NRIP1: variants seen among roughly 807,000 people sequenced by gnomAD.
NRIP1 encodes nuclear receptor interacting protein 1, also known as nuclear receptor-interacting protein 1.
In NRIP1, 28 loss-of-function variants were observed where a neutral mutation model predicts 75.0. That is an observed-to-expected ratio of 0.37 (90% CI 0.28 to 0.51). NRIP1 has a LOEUF of 0.51. Among genes scored for constraint, NRIP1 ranks in the 20% least tolerant of loss-of-function variants. The probability of loss-of-function intolerance (pLI) is 0.92; values close to 1 mark genes in which losing one functional copy is unlikely to be tolerated. For missense variants in NRIP1, 1,435 were observed against 1,343.7 expected, an observed-to-expected ratio of 1.07 and a Z score of -1.06; for synonymous variants, 526 against 487.6, an observed-to-expected ratio of 1.08 and a Z score of -1.04.
At chr21:14,985,817 T>C (rs2087384061) in intron 3 of NRIP1, among the ~76,000 whole-genome samples, 1 of 152,002 alleles carries the variant, frequency 6.6e-6, no homozygotes, top group Admixed American at 6.6e-5. Context: ...TCAAATTACC[T>C]CCCCTAGATA....
Position 15,054,034 on chromosome 21 carries a change from A to G in NRIP1, c.-537-10460T>C, listed in dbSNP as rs575178946. ...ATTTTATTTTCTGTCTCTTACCAGC[A>G]GTTATTAATGTAGTTGAATATGACT... On this transcript the variant is annotated intron_variant, in intron 1 of 3. Coordinates refer to ENST00000318948, the MANE Select transcript of NRIP1 (RefSeq NM_003489.4). Among the ~76,000 whole-genome samples, 4 of 152,306 alleles carry G rather than the reference A, an allele frequency of 2.6e-5. No homozygotes were observed. In the South Asian group the frequency reaches 8.3e-4, roughly 32 times the overall value.
At chr21:15,018,753 G>A (rs1214060482) in intron 2 of NRIP1, among the ~76,000 whole-genome samples, 1 of 152,262 alleles carries the variant, frequency 6.6e-6, no homozygotes, top group East Asian at 1.9e-4. Context: ...TATTCTAGAT[G>A]GTAGGAAAAG....
intron 1 of NRIP1, among the ~76,000 whole-genome samples, chr21:15,047,338 G>T (rs1222839947): frequency 6.6e-6 from 1 of 152,102 alleles, no homozygotes; most frequent in Non-Finnish European, 1.5e-5. Context: ...TCAGGAGACA[G>T]AGACCATCCT....
intron 3 of NRIP1, among the ~76,000 whole-genome samples, chr21:14,989,866 T>C (rs2087520742): frequency 6.6e-6 from 1 of 152,050 alleles, no homozygotes; most frequent in Non-Finnish European, 1.5e-5. Context: ...GAACAATTCA[T>C]TTAGACTAGG....
At chr21:14,989,954 A>G (rs940495880) in intron 3 of NRIP1, among the ~76,000 whole-genome samples, 5 of 152,208 alleles carry the variant, frequency 3.3e-5, no homozygotes, top group Admixed American at 6.5e-5. Flanking sequence ...AATCATGAAA[A>G]AAAAAGAAAC....
chr21:15,033,666 C>A (rs2088765239), intron 2 of NRIP1, among the ~76,000 whole-genome samples: 1 of 152,186 alleles, frequency 6.6e-6, no homozygotes, highest in Admixed American at 6.5e-5. Context: ...CTAGTAAATA[C>A]CTGTTACAAT....
At chr21:14,999,307 A>C (rs945684719) in intron 3 of NRIP1, among the ~76,000 whole-genome samples, 1 of 151,994 alleles carries the variant, frequency 6.6e-6, no homozygotes, top group Non-Finnish European at 1.5e-5. Flanking sequence ...TTTCTTCTCA[A>C]ATTTTAATAC....
intron 2 of NRIP1, among the ~76,000 whole-genome samples, chr21:15,027,819 C>T (rs1267962830): frequency 6.6e-6 from 1 of 152,068 alleles, no homozygotes; most frequent in Admixed American, 6.6e-5. Flanking sequence ...GTCACACAGG[C>T]CAGCAATCAT....
chr21:15,062,663 A>G (rs1978403254), intron 1 of NRIP1, among the ~76,000 whole-genome samples: 1 of 152,230 alleles, frequency 6.6e-6, no homozygotes, highest in Non-Finnish European at 1.5e-5. Flanking sequence ...TTTGAAAGCT[A>G]GTACTTCTTA....
intron 3 of NRIP1, among the ~76,000 whole-genome samples, chr21:15,010,269 A>G (rs2088071343): frequency 6.6e-6 from 1 of 152,246 alleles, no homozygotes; most frequent in South Asian, 2.1e-4. Context: ...GGTTCACAAC[A>G]GTTAATTTCA....
intron 3 of NRIP1, among the ~76,000 whole-genome samples, chr21:14,980,203 A>C (rs2087193080): frequency 6.6e-6 from 1 of 152,216 alleles, no homozygotes; most frequent in East Asian, 1.9e-4. Flanking sequence ...TAAATATATT[A>C]GTGCAGGCTA....
intron 3 of NRIP1, among the ~76,000 whole-genome samples, chr21:15,006,134 A>G (rs1305628185): frequency 6.6e-6 from 1 of 152,212 alleles, no homozygotes; most frequent in Non-Finnish European, 1.5e-5. Context: ...CATGTTTACT[A>G]AATTTCTTAT....
intron 3 of NRIP1, chr21:14,992,097 G>A (rs1038989967): frequency 2.0e-5 from 3 of 152,492 alleles, no homozygotes; most frequent in Non-Finnish European, 4.4e-5. Context: ...GAGTGTGGTG[G>A]TGTGACCATG....
At chr21:15,024,051 G>A (rs2088446836) in intron 2 of NRIP1, among the ~76,000 whole-genome samples, 1 of 152,202 alleles carries the variant, frequency 6.6e-6, no homozygotes, top group African/African-American at 2.4e-5. Context: ...GAGAAGGCAT[G>A]TCTTTAATAT....
chr21:14,971,381 T>C (rs751482806), intron 3 of NRIP1: 6 of 152,202 alleles, frequency 3.9e-5, no homozygotes, highest in Non-Finnish European at 7.4e-5. Context: ...AACCACACAC[T>C]GTAGTTCATC....
At chr21:14,983,535 T>A (rs1568956792) in intron 3 of NRIP1, among the ~76,000 whole-genome samples, 1 of 152,112 alleles carries the variant, frequency 6.6e-6, no homozygotes, top group Non-Finnish European at 1.5e-5. Flanking sequence ...AAGATCCAGC[T>A]GAGTGAGATA....
intron 3 of NRIP1, among the ~76,000 whole-genome samples, chr21:14,987,287 A>T (rs964002443): frequency 2.6e-5 from 4 of 152,238 alleles, no homozygotes; most frequent in Admixed American, 2.0e-4. Context: ...CACATAGCCT[A>T]GCCACAGAGT....
chr21:15,050,763 G>C (rs1600929108), intron 1 of NRIP1: 1 of 456,062 alleles, frequency 2.2e-6, no homozygotes, highest in East Asian at 7.0e-5. Flanking sequence ...CTAGGGGCCA[G>C]CCAACGCTTA....
intron 2 of NRIP1, among the ~76,000 whole-genome samples, chr21:15,021,641 A>C (rs1316862882): frequency 6.6e-6 from 1 of 152,258 alleles, no homozygotes; most frequent in African/African-American, 2.4e-5. Flanking sequence ...ATTTAAAATG[A>C]GTCCGATGTG....
Sources: allele counts gnomAD v4.1 joint callset (sites outside exome capture counted in the v4.1 genomes callset), GRCh38; gene constraint gnomAD v4.1.1; transcripts MANE v1.5; gene names NCBI Gene and HGNC (gene_info 2026-07-23, HGNC 2026-07-21).